The following MYBPC1 variants were observed in gnomAD, a reference collection of about 807,000 sequenced individuals.
MYBPC1 encodes myosin-binding protein C, slow-type.
In MYBPC1, 52 loss-of-function variants were observed where a neutral mutation model predicts 147.1. That is an observed-to-expected ratio of 0.35 (90% CI 0.28 to 0.45). The LOEUF (loss-of-function observed/expected upper bound fraction) is 0.45, where lower values mean the gene tolerates loss of function less well. Ranked by LOEUF, MYBPC1 falls within the 20% of genes least tolerant of loss-of-function variation. MYBPC1 has a pLI of 1.00. For missense variants in MYBPC1, 1,228 were observed against 1,440.3 expected, an observed-to-expected ratio of 0.85 and a Z score of 2.39; for synonymous variants, 477 against 475.9, an observed-to-expected ratio of 1.00 and a Z score of -0.03.
chr12:101,656,432 C>T (rs1299451357), intron 18 of MYBPC1, among the ~76,000 whole-genome samples: 1 of 152,012 alleles, frequency 6.6e-6, no homozygotes, highest in African/African-American at 2.4e-5. Context: ...AAACATGACC[C>T]AAAGATATGT....
chr12:101,692,404 T>C, the MYBPC1 span, among the ~76,000 whole-genome samples: 1 of 152,154 alleles, frequency 6.6e-6, no homozygotes, highest in South Asian at 2.1e-4. Flanking sequence ...TACATGTAAG[T>C]TATTAGGTGG....
At chr12:101,666,339 C>T in intron 22 of MYBPC1, 1 of 217,264 alleles carries the variant, frequency 4.6e-6, no homozygotes, top group Non-Finnish European at 9.4e-6. Flanking sequence ...GCTGGGGTGG[C>T]AGAGACAGGC....
intron 3 of MYBPC1, among the ~76,000 whole-genome samples, chr12:101,620,120 G>A (rs986105370): frequency 9.2e-5 from 14 of 152,114 alleles, no homozygotes; most frequent in Non-Finnish European, 4.4e-5. Context: ...TTTGTCCTGG[G>A]ACCTGGGCAA....
At chr12:101,661,101 T>G (rs11110941) in intron 19 of MYBPC1, 57 bp from the exon 20 acceptor site, 2 of 1,154,514 alleles carry the variant, frequency 1.7e-6, no homozygotes, top group Non-Finnish European at 2.6e-6. Flanking sequence ...CCTATTAACT[T>G]TTTTTTTCTA....
intron 9 of MYBPC1, among the ~76,000 whole-genome samples, chr12:101,636,248 CT>C (rs1284647197): frequency 5.9e-5 from 9 of 152,124 alleles, no homozygotes; most frequent in Non-Finnish European, 1.3e-4. Context: ...CATTGGTACA[CT>C]TCGTCCTCCA....
In MYBPC1 at chr12:101,667,889, G is replaced by A. The variant is rs1476448738; in HGVS notation, c.2514G>A (p.Lys838=). ...PKYYSQPILV[K]EIIEPPKIRI... ...ACTATTCTCAGCCCATTCTCGTGAAGGAAATCATAGGTAGGAGACAAGGCT... is the reference window on the plus strand; with the variant it reads ...ACTATTCTCAGCCCATTCTCGTGAAAGAAATCATAGGTAGGAGACAAGGCT... Residue 838 remains lysine, a synonymous_variant, in exon 23 of 32, where the codon AAG becomes AAA. Transcript: ENST00000361466. 1.2e-6 allele frequency: 2 copies of A among 1,614,006 alleles called. No homozygotes were observed. The highest frequency in any genetic ancestry group is 2.2e-5 in the South Asian group (2 of 91,046).
chr12:101,632,225 G>C, intron 8 of MYBPC1, 87 bp downstream of exon 8: 2 of 953,982 alleles, frequency 2.1e-6, no homozygotes, highest in South Asian at 2.6e-5. Flanking sequence ...AATACTATGA[G>C]ATTTCAGAGA....
chr12:101,691,185 C>T, the MYBPC1 span, among the ~76,000 whole-genome samples: 1 of 152,204 alleles, frequency 6.6e-6, no homozygotes, highest in African/African-American at 2.4e-5. Flanking sequence ...AATTCTCCTG[C>T]CTCAGCCTCC....
intron 4 of MYBPC1, among the ~76,000 whole-genome samples, chr12:101,627,168 C>T (rs1888792534): frequency 6.6e-6 from 1 of 152,146 alleles, no homozygotes; most frequent in South Asian, 2.1e-4. Flanking sequence ...TAGGGGTCAA[C>T]ATATCTGTCT....
chr12:101,675,339 G>GA lies in MYBPC1; in HGVS notation c.2861dup (p.Asn954LysfsTer12). 6.2e-7 allele frequency: 1 copy of GA among 1,614,118 alleles called. No homozygotes were observed. The highest frequency in any genetic ancestry group is 8.5e-7 in the Non-Finnish European group (1 of 1,179,994). On this transcript the variant is annotated frameshift_variant, in exon 26 of 32. Transcript: ENST00000361466. LOFTEE classifies it high-confidence loss of function. ...TGTGAAGATTGAGGATGTCTGGGGAGAAAATGTCGCTCTCACATGGACTCC... is the reference window on the plus strand; with the variant it reads ...TGTGAAGATTGAGGATGTCTGGGGAGAAAAATGTCGCTCTCACATGGACTCC...
intron 1 of MYBPC1, among the ~76,000 whole-genome samples, chr12:101,605,655 G>A (rs1031208121): frequency 4.6e-5 from 7 of 152,160 alleles, no homozygotes; most frequent in Non-Finnish European, 1.0e-4. Context: ...GAGGTCAGGA[G>A]TTTGAGACCA....
At position 101,681,577 on chromosome 12, in the gene MYBPC1, TATATATATATATATA is replaced by T. The variant is rs1159874225; in HGVS notation, c.3434-1026_3434-1012del. On this transcript the variant is annotated intron_variant, in intron 29 of 31. Coordinates refer to ENST00000361466, the MANE Select transcript of MYBPC1 (RefSeq NM_002465.4). ...TTTCATATATATATATATATATATA[TATATATATATATATA>T]TTTTTTTTTTTTTTTTTTTTTTTTT... Among the ~76,000 whole-genome samples the T allele has an allele frequency of 8.0e-4, 22 of 27,474 alleles. 1 individual carries two copies. Among genetic ancestry groups the T allele is most frequent in the African/African-American group, 2.9e-3 (16 of 5,546 alleles). 18.0% of individuals were successfully genotyped at this position (27,474 alleles called of 152,430 possible).
At chr12:101,607,954 T>G (rs1416685413) in intron 1 of MYBPC1, among the ~76,000 whole-genome samples, 2 of 152,224 alleles carry the variant, frequency 1.3e-5, no homozygotes, top group African/African-American at 2.4e-5. Flanking sequence ...AAGCCATTTA[T>G]GGAGTTACTG....
rs1889902104 is a variant in MYBPC1, at chr12:101,631,561, C to T, written c.290-10C>T. Reference sequence around the variant, plus strand: ...TAAAGAGCAAGCTGAATCCCTTATGCTTCTTCTAGGTGAAGATATCACCTT... The same window carrying T: ...TAAAGAGCAAGCTGAATCCCTTATGTTTCTTCTAGGTGAAGATATCACCTT... On this transcript the variant is annotated splice_polypyrimidine_tract_variant and intron_variant, in intron 6 of 31. Transcript: ENST00000361466. The T allele has an allele frequency of 6.2e-7, 1 of 1,613,722 alleles. No homozygotes were observed. Among genetic ancestry groups the T allele is most frequent in the Non-Finnish European group, 8.5e-7 (1 of 1,179,812 alleles).
At chr12:101,647,957 T>G in intron 13 of MYBPC1, 88 bp from the exon 14 acceptor site, 3 of 1,040,346 alleles carry the variant, frequency 2.9e-6, no homozygotes, top group Non-Finnish European at 4.5e-6. Flanking sequence ...GCTTTCTCAC[T>G]GTTGGTTTTT....
intron 1 of MYBPC1, among the ~76,000 whole-genome samples, chr12:101,606,874 G>T (rs1231263447): frequency 6.6e-6 from 1 of 152,036 alleles, no homozygotes; most frequent in African/African-American, 2.4e-5. Context: ...ACTCAGGCTG[G>T]AGTGCAGTGG....
intron 1 of MYBPC1, among the ~76,000 whole-genome samples, 154 bp from the exon 2 acceptor site, chr12:101,614,342 G>A (rs1885285629): frequency 6.6e-6 from 1 of 152,060 alleles, no homozygotes; most frequent in Non-Finnish European, 1.5e-5. Context: ...GAGAGAGAGA[G>A]AGAGAAGAGA....
intron 22 of MYBPC1, chr12:101,666,643 CTT>C: frequency 8.7e-7 from 1 of 1,155,402 alleles, no homozygotes; most frequent in Non-Finnish European, 1.3e-6. Context: ...TCTTTGCACA[CTT>C]TGCATACTTT....
chr12:101,614,280 T>C (rs1159035508), intron 1 of MYBPC1, among the ~76,000 whole-genome samples: 2 of 152,078 alleles, frequency 1.3e-5, no homozygotes, highest in Non-Finnish European at 2.9e-5. Context: ...AATGGCAGCA[T>C]GTATGTCTTG....
Sources: allele counts gnomAD v4.1 joint callset (sites outside exome capture counted in the v4.1 genomes callset), GRCh38; gene constraint gnomAD v4.1.1; transcripts MANE v1.5; gene names NCBI Gene and HGNC (gene_info 2026-07-23, HGNC 2026-07-21).